Variants in ALG10 observed in about 807,000 individuals in gnomAD.
ALG10 encodes ALG10 alpha-1,2-glucosyltransferase, also known as dol-P-Glc:Glc(2)Man(9)GlcNAc(2)-PP-Dol alpha-1,2-glucosyltransferase A.
In ALG10, 25 loss-of-function variants were observed where a neutral mutation model predicts 39.2. The observed-to-expected ratio is 0.64, with a 90% CI of 0.46 to 0.89. The LOEUF is 0.89. Among genes scored for constraint, ALG10 ranks in the 40% least tolerant of loss-of-function variants. The pLI is 0.00. For synonymous variants in ALG10, 184 were observed against 193.9 expected (o/e 0.95, Z 0.42); for missense variants, 486 against 546.6 (o/e 0.89, Z 1.11).
upstream of ALG10, chr12:34,022,392 G>A (rs2120681426): frequency 4.3e-6 from 3 of 697,252 alleles, no homozygotes; most frequent in South Asian, 1.8e-5. Flanking sequence ...GTAATCATCC[G>A]GTCCGTTATC....
At chr12:34,022,433 G>A (rs867352579), upstream of ALG10, 1 of 1,102,064 alleles carries the variant, frequency 9.1e-7, no homozygotes, top group Non-Finnish European at 1.3e-6. Context: ...ACAGCGACCC[G>A]ATCTTTCCGG....
rs912033989 is a variant in ALG10, at chr12:34,028,271, TTAAA to T, written c.*1361_*1364del. On this transcript the variant is annotated 3_prime_UTR_variant, in exon 3 of 3. Coordinates refer to ENST00000266483, the MANE Select transcript of ALG10 (RefSeq NM_032834.4). Reference sequence around the variant, plus strand: ...TATGATTTTTGAATATAATGTGGGATTAAATAAAGCTAATCTATCCATCACCTCA... The same window carrying T: ...TATGATTTTTGAATATAATGTGGGATTAAAGCTAATCTATCCATCACCTCA... 2 of 152,196 alleles carry T rather than the reference TTAAA, an allele frequency of 1.3e-5. No individual in the cohort carries two copies. Among genetic ancestry groups the T allele is most frequent in the African/African-American group, 4.8e-5 (2 of 41,446 alleles). The allele number at this position is 152,196 out of a possible 1,614,324, so 9.4% of individuals were successfully genotyped here.
At chr12:34,022,886 TGAAA>T (rs1020982766) in intron 1 of ALG10, 116 bp downstream of exon 1, 23 of 1,385,480 alleles carry the variant, frequency 1.7e-5, no homozygotes, top group Non-Finnish European at 2.2e-5. Flanking sequence ...CCTCAGAACA[TGAAA>T]GAAACTGGGT....
Position 34,026,978 on chromosome 12 carries a change from A to T in ALG10, c.*63A>T. 1.3e-6 allele frequency: 2 copies of T among 1,546,174 alleles called. No individual in the cohort carries two copies. Among genetic ancestry groups the T allele is most frequent in the Non-Finnish European group, 8.8e-7 (1 of 1,137,130 alleles). ...AATTAGACCATTTCTACAAAGAACAACTGAATAGGTGGAAAACATGGAATT... is the reference window on the plus strand; with the variant it reads ...AATTAGACCATTTCTACAAAGAACATCTGAATAGGTGGAAAACATGGAATT... On this transcript the variant is annotated 3_prime_UTR_variant, in exon 3 of 3. Coordinates refer to ENST00000266483, the MANE Select transcript of ALG10 (RefSeq NM_032834.4).
Position 34,026,694 on chromosome 12 carries a change from A to T in ALG10, c.1201A>T (p.Ile401Leu). ...KSIFWNLMFF[I>L]CLFTVIVPQK... ...AATTTTTTGGAATTTAATGTTTTTC[A>T]TATGCTTGTTCACTGTTATAGTTCC... The change falls in exon 3 of 3, where the codon ATA (isoleucine) becomes TTA (leucine). Residue 401 changes from isoleucine (I) to leucine (L), a missense_variant. Physicochemically the swap from Ile to Leu is conservative, Grantham distance 5 (BLOSUM62 2). Coordinates refer to ENST00000266483, the MANE Select transcript of ALG10 (RefSeq NM_032834.4). 6.2e-7 allele frequency: 1 copy of T among 1,613,776 alleles called. No individual in the cohort carries two copies.
Position 34,026,666 on chromosome 12 carries a change from G to T in ALG10, c.1173G>T (p.Lys391Asn), listed in dbSNP as rs758137985. The T allele has an allele frequency of 5.6e-6, 9 of 1,613,656 alleles. No individual in the cohort carries two copies. The East Asian group carries it at 1.8e-4, about 32-fold the overall frequency. Residue 391 changes from lysine (K) to asparagine (N), a missense_variant, in exon 3 of 3, where the codon AAG becomes AAT. Transcript: ENST00000266483. Reference sequence around the variant, plus strand: ...GTATAGCTGACTCATTGAAATCAAAGTCAATTTTTTGGAATTTAATGTTTT... The same window carrying T: ...GTATAGCTGACTCATTGAAATCAAATTCAATTTTTTGGAATTTAATGTTTT... ...GWSIADSLKS[K>N]SIFWNLMFFI...
Position 34,026,130 on chromosome 12 carries a change from C to T in ALG10, c.637C>T (p.Leu213=), listed in dbSNP as rs1277639824. The T allele has an allele frequency of 1.2e-6, 2 of 1,614,022 alleles. No individual in the cohort carries two copies. The highest frequency in any genetic ancestry group is 2.2e-5 in the South Asian group (2 of 91,076). Residue 213 remains leucine (L), a synonymous_variant, in exon 3 of 3, where the codon CTA becomes TTA. Transcript: ENST00000266483. ...QKLTEAWKTE[L]QKKEDRLPPI... ...GTTAACGGAGGCTTGGAAAACTGAGCTACAAAAGAAGGAAGACAGACTTCC... is the reference window on the plus strand; with the variant it reads ...GTTAACGGAGGCTTGGAAAACTGAGTTACAAAAGAAGGAAGACAGACTTCC...
chr12:34,024,960 C>T (rs1436662634), intron 2 of ALG10, among the ~76,000 whole-genome samples: 4 of 148,846 alleles, frequency 2.7e-5, no homozygotes, highest in South Asian at 2.1e-4. Flanking sequence ...TCTTGATGAA[C>T]GGATAGGGCT....
rs1831685612 is a variant in ALG10 at position 34,022,522 on chromosome 12, G to T, written c.-78G>T. 5 of 1,611,870 alleles carry T rather than the reference G, an allele frequency of 3.1e-6. No homozygotes were observed. The highest frequency in any genetic ancestry group is 4.2e-6 in the Non-Finnish European group (5 of 1,179,002). On this transcript the variant is annotated 5_prime_UTR_variant, in exon 1 of 3. Transcript: ENST00000266483. ...GTCCCGCCTAGCGCGCCCATTTCGA[G>T]CCCAAGTTTCCAGCTCGGGTTTCCA...
In ALG10 at chr12:34,027,101, T is replaced by C. The variant is rs1942842308; in HGVS notation, c.*186T>C. ...TTAAGTGGCAAAGAACTGAGAAAGCTTAAGACCTGCTTCAAAAGCCTGAAA... is the reference window on the plus strand; with the variant it reads ...TTAAGTGGCAAAGAACTGAGAAAGCCTAAGACCTGCTTCAAAAGCCTGAAA... On this transcript the variant is annotated 3_prime_UTR_variant, in exon 3 of 3. Coordinates refer to ENST00000266483, the MANE Select transcript of ALG10 (RefSeq NM_032834.4). 1 of 571,944 alleles carries C rather than the reference T, an allele frequency of 1.7e-6. No individual in the cohort carries two copies. The highest frequency in any genetic ancestry group is 2.8e-6 in the Non-Finnish European group (1 of 360,948). The allele number at this position is 571,944 out of a possible 1,614,324, so 35.4% of individuals were successfully genotyped here. A position where few individuals can be genotyped will look rare whatever the true frequency, so the allele number is the denominator to read the frequency against.
At chr12:34,023,206 T>C (rs1482277056) in intron 1 of ALG10, 2 of 172,358 alleles carry the variant, frequency 1.2e-5, no homozygotes, top group African/African-American at 4.8e-5. Context: ...AAGTGACAAT[T>C]TATAATCACA....
chr12:34,023,330 C>T (rs952809253), intron 1 of ALG10: 5 of 166,528 alleles, frequency 3.0e-5, no homozygotes, highest in African/African-American at 1.2e-4. Context: ...ATATAAATAT[C>T]AAAATAAGCA....
In ALG10 at chr12:34,026,333, T is replaced by C; in HGVS notation, c.840T>C (p.Ser280=). Residue 280 remains serine (S), a synonymous_variant, in exon 3 of 3, where the codon AGT becomes AGC. Transcript: ENST00000266483. ...GTGGAATTGTTATTGGCGATCGGAG[T>C]AGTCATGAAGCCTGTCTTCATTTTC... The part of the protein sequence containing the change: ...VNGGIVIGDR[S]SHEACLHFPQ... The C allele has an allele frequency of 1.2e-6, 2 of 1,614,052 alleles. No individual in the cohort carries two copies. The highest frequency in any genetic ancestry group is 1.7e-6 in the Non-Finnish European group (2 of 1,179,924).
chr12:34,023,223 T>C (rs1263799129), intron 1 of ALG10: 1 of 171,506 alleles, frequency 5.8e-6, no homozygotes, highest in Non-Finnish European at 1.3e-5. Context: ...CACAAATTCC[T>C]TCCCTGGGTA....
chr12:34,027,105 G>A lies in ALG10; in HGVS notation c.*190G>A, dbSNP rs1298885643. 3.6e-6 allele frequency: 2 copies of A among 554,630 alleles called. No individual in the cohort carries two copies. Among genetic ancestry groups the A allele is most frequent in the Non-Finnish European group, 5.7e-6 (2 of 348,014 alleles). The allele number at this position is 554,630 out of a possible 1,614,324, so 34.4% of individuals were successfully genotyped here. A position where few individuals can be genotyped will look rare whatever the true frequency, so the allele number is the denominator to read the frequency against. On this transcript the variant is annotated 3_prime_UTR_variant, in exon 3 of 3. Coordinates refer to ENST00000266483, the MANE Select transcript of ALG10 (RefSeq NM_032834.4). ...GTGGCAAAGAACTGAGAAAGCTTAAGACCTGCTTCAAAAGCCTGAAAAATG... is the reference window on the plus strand; with the variant it reads ...GTGGCAAAGAACTGAGAAAGCTTAAAACCTGCTTCAAAAGCCTGAAAAATG...
In ALG10 at chr12:34,026,281, T is replaced by C. The variant is rs1942831859; in HGVS notation, c.788T>C (p.Leu263Pro). Residue 263 changes from leucine to proline, a missense_variant, in exon 3 of 3, where the codon CTG (leucine) becomes CCG (proline). Leu to Pro is a moderately conservative substitution (Grantham distance 98). Coordinates refer to ENST00000266483, the MANE Select transcript of ALG10 (RefSeq NM_032834.4). The part of the protein sequence containing the change: ...LTWPYILLGF[L>P]FCAFVVVNGG... The stretch of plus-strand genomic sequence containing the variant: ...TGGCCCTACATCCTTCTGGGATTTC[T>C]GTTTTGTGCTTTTGTAGTAGTTAAT... 1 of 1,614,054 alleles carries C rather than the reference T, an allele frequency of 6.2e-7. No homozygotes were observed. The highest frequency in any genetic ancestry group is 1.7e-5 in the Admixed American group (1 of 60,004).
In ALG10 at chr12:34,026,232, T is replaced by C; in HGVS notation, c.739T>C (p.Leu247=). The change falls in exon 3 of 3, where the codon TTG becomes CTG. Residue 247 remains leucine, a synonymous_variant. Transcript: ENST00000266483. ...LLAYSMSFKN[L]SMLLLLTWPY... ...GGCTTATTCCATGTCCTTTAAAAACTTGAGTATGCTTTTGCTTCTGACTTG... is the reference window on the plus strand; with the variant it reads ...GGCTTATTCCATGTCCTTTAAAAACCTGAGTATGCTTTTGCTTCTGACTTG... The C allele has an allele frequency of 6.2e-7, 1 of 1,614,084 alleles. No individual in the cohort carries two copies.
rs1461176501 is a variant in ALG10, at chr12:34,026,874, C to T, written c.1381C>T (p.Gln461Ter). ...TFFIFLNKTF[Q>*]WPNSQDIQRF... ...TTTCATCTTTCTGAACAAGACTTTTCAGTGGCCAAATAGTCAGGACATTCA... is the reference window on the plus strand; with the variant it reads ...TTTCATCTTTCTGAACAAGACTTTTTAGTGGCCAAATAGTCAGGACATTCA... The change falls in exon 3 of 3, where the codon CAG (glutamine) becomes TAG (stop). Residue 461 changes from glutamine to a stop codon, truncating the protein, a stop_gained. Coordinates refer to ENST00000266483, the MANE Select transcript of ALG10 (RefSeq NM_032834.4). LOFTEE classifies it high-confidence loss of function. 6.2e-7 allele frequency: 1 copy of T among 1,613,592 alleles called. No homozygotes were observed. Among genetic ancestry groups the T allele is most frequent in the Non-Finnish European group, 8.5e-7 (1 of 1,179,772 alleles).
At position 34,026,330 on chromosome 12, in the gene ALG10, G is replaced by A. The variant is rs771539230; in HGVS notation, c.837G>A (p.Arg279=). 4.3e-6 allele frequency: 7 copies of A among 1,613,986 alleles called. No individual in the cohort carries two copies. In the South Asian group the frequency reaches 7.7e-5, roughly 18 times the overall value. Residue 279 remains arginine, a synonymous_variant, in exon 3 of 3, where the codon CGG becomes CGA. Coordinates refer to ENST00000266483, the MANE Select transcript of ALG10 (RefSeq NM_032834.4). ...VVNGGIVIGD[R]SSHEACLHFP... ...ATGGTGGAATTGTTATTGGCGATCG[G>A]AGTAGTCATGAAGCCTGTCTTCATT...
Sources: allele counts gnomAD v4.1 joint callset (sites outside exome capture counted in the v4.1 genomes callset), GRCh38; gene constraint gnomAD v4.1.1; transcripts MANE v1.5; gene names NCBI Gene and HGNC (gene_info 2026-07-23, HGNC 2026-07-21).